Variants in PAMR1 observed in about 807,000 individuals in gnomAD.
PAMR1 encodes inactive serine protease PAMR1.
In PAMR1, 88 loss-of-function variants were observed where a neutral mutation model predicts 81.8. The observed-to-expected ratio is 1.08, with a 90% CI of 0.91 to 1.28. The LOEUF (loss-of-function observed/expected upper bound fraction) is 1.28. Ranked by LOEUF, PAMR1 falls within the 50% of genes most tolerant of loss-of-function variation. The pLI is 0.00. For missense variants in PAMR1, 935 were observed against 919.7 expected (o/e 1.02, Z -0.21); for synonymous variants, 336 against 345.3 (o/e 0.97, Z 0.30).
chr11:35,478,907 C>T (rs1341168962), intron 3 of PAMR1, among the ~76,000 whole-genome samples: 1 of 152,060 alleles, frequency 6.6e-6, no homozygotes, highest in Non-Finnish European at 1.5e-5. Flanking sequence ...GTGCCCTGAG[C>T]TCTCAAATCC....
In PAMR1 at chr11:35,458,590, G is replaced by C. The variant is rs565701095; in HGVS notation, c.820+9411C>G. ...TCTGAGAGTTCCAGCAAAGGAAACAGATCCAGAGTCAGCAAAATTGATGAC... is the reference window on the plus strand; with the variant it reads ...TCTGAGAGTTCCAGCAAAGGAAACACATCCAGAGTCAGCAAAATTGATGAC... On this transcript the variant is annotated intron_variant, in intron 6 of 10. Coordinates refer to ENST00000619888, the MANE Select transcript of PAMR1 (RefSeq NM_001001991.3). Among the ~76,000 whole-genome samples, 5 of 152,296 alleles carry C rather than the reference G, an allele frequency of 3.3e-5. No homozygotes were observed. In the South Asian group the frequency reaches 1.0e-3, roughly 32 times the overall value.
At chr11:35,482,358 T>A (rs1433238795) in intron 3 of PAMR1, among the ~76,000 whole-genome samples, 1 of 151,938 alleles carries the variant, frequency 6.6e-6, no homozygotes, top group Non-Finnish European at 1.5e-5. Context: ...ATGTGTGGTG[T>A]TTTTTCTGAG....
At chr11:35,518,344 C>T (rs1277310801) in intron 1 of PAMR1, among the ~76,000 whole-genome samples, 1 of 151,816 alleles carries the variant, frequency 6.6e-6, no homozygotes, top group Non-Finnish European at 1.5e-5. Flanking sequence ...CCATCATTCT[C>T]GTTAACTTCT....
chr11:35,505,129 C>T (rs536056464), intron 1 of PAMR1, among the ~76,000 whole-genome samples: 29 of 152,158 alleles, frequency 1.9e-4, no homozygotes, highest in African/African-American at 6.7e-4. Flanking sequence ...TTCATAGGCA[C>T]ATTGTTTAAT....
At position 35,470,723 on chromosome 11, in the gene PAMR1, C is replaced by T. The variant is rs766255457; in HGVS notation, c.590G>A (p.Arg197His). 42 of 1,614,142 alleles carry T rather than the reference C, an allele frequency of 2.6e-5. No individual in the cohort carries two copies. Among genetic ancestry groups the T allele is most frequent in the Non-Finnish European group, 3.3e-5 (39 of 1,179,986 alleles). ...AGCTGGCCGCTCGTTGCCACAGACA[C>T]GCTTGATGATCTGGCCATCGCGGTT... ...GDNRDGQIIK[R>H]VCGNERPAPI... Residue 197 changes from arginine (R) to histidine (H), a missense_variant, in exon 5 of 11, where the codon CGT becomes CAT. Arg to His is a conservative substitution (Grantham distance 29). Coordinates refer to ENST00000619888, the MANE Select transcript of PAMR1 (RefSeq NM_001001991.3).
At position 35,436,433 on chromosome 11, in the gene PAMR1, C is replaced by G. The variant is rs1178682301; in HGVS notation, c.1101-298G>C. On this transcript the variant is annotated intron_variant, in intron 8 of 10. Transcript: ENST00000619888. ...CTGAATAGCTGGGATTACAGACATGCAACACCACGCCCAGCTAATTTTTGT... is the reference window on the plus strand; with the variant it reads ...CTGAATAGCTGGGATTACAGACATGGAACACCACGCCCAGCTAATTTTTGT... Among the ~76,000 whole-genome samples, 4 of 152,176 alleles carry G rather than the reference C, an allele frequency of 2.6e-5. No individual in the cohort carries two copies. The East Asian group carries it at 7.7e-4, about 29-fold the overall frequency.
chr11:35,494,329 T>C, intron 1 of PAMR1, 57 bp from the exon 2 acceptor site: 2 of 1,250,938 alleles, frequency 1.6e-6, no homozygotes, highest in Non-Finnish European at 2.3e-6. Context: ...GTAAGACTCT[T>C]TGTTTGTTTG....
intron 1 of PAMR1, among the ~76,000 whole-genome samples, chr11:35,516,726 G>C (rs16927593): frequency 0.015 from 2,293 of 152,306 alleles, 27 homozygotes; most frequent in Non-Finnish European, 0.023. Flanking sequence ...CCACTTTCAG[G>C]TTGTGCAAAT....
chr11:35,447,058 C>T (rs193143873), intron 6 of PAMR1, among the ~76,000 whole-genome samples: 1 of 152,126 alleles, frequency 6.6e-6, no homozygotes, highest in South Asian at 2.1e-4. Context: ...GCTCTTCTTG[C>T]TTAATTGAAC....
At chr11:35,465,062 G>T (rs1005976669) in intron 6 of PAMR1, among the ~76,000 whole-genome samples, 1 of 152,200 alleles carries the variant, frequency 6.6e-6, no homozygotes, top group South Asian at 2.1e-4. Context: ...CAAGTGTCGT[G>T]TCTGAGAGAT....
At chr11:35,471,853 G>T (rs1850194052) in intron 4 of PAMR1, among the ~76,000 whole-genome samples, 1 of 152,132 alleles carries the variant, frequency 6.6e-6, no homozygotes, top group Non-Finnish European at 1.5e-5. Flanking sequence ...ATGTATGTCT[G>T]TACCTTCTCC....
chr11:35,468,922 A>G (rs1317297394), intron 5 of PAMR1, among the ~76,000 whole-genome samples: 1 of 152,130 alleles, frequency 6.6e-6, no homozygotes, highest in Non-Finnish European at 1.5e-5. Context: ...ACCTGTCTTG[A>G]GTACTTGCTC....
intron 1 of PAMR1, among the ~76,000 whole-genome samples, chr11:35,503,776 T>A (rs1212896173): frequency 6.6e-6 from 1 of 152,140 alleles, no homozygotes; most frequent in Non-Finnish European, 1.5e-5. Flanking sequence ...GTAGAGTCTT[T>A]AGATTTTTTT....
chr11:35,497,026 G>T (rs1048235795), intron 1 of PAMR1, among the ~76,000 whole-genome samples: 14 of 152,042 alleles, frequency 9.2e-5, no homozygotes, highest in African/African-American at 3.4e-4. Context: ...AATTAGGCGG[G>T]AGCAGTGGTG....
Position 35,431,939 on chromosome 11 carries a change from A to C in PAMR1, c.*417T>G, listed in dbSNP as rs1855913099. 1 of 201,676 alleles carries C rather than the reference A, an allele frequency of 5.0e-6. No individual in the cohort carries two copies. Among genetic ancestry groups the C allele is most frequent in the South Asian group, 1.1e-4 (1 of 9,452 alleles). The allele number at this position is 201,676 out of a possible 1,614,324, so 12.5% of individuals were successfully genotyped here. Reference sequence around the variant, plus strand: ...TACACAAAGGCATGCACCACATCCCAGCTCTGCTGCCCTGGGCTGTCCCAC... The same window carrying C: ...TACACAAAGGCATGCACCACATCCCCGCTCTGCTGCCCTGGGCTGTCCCAC... On this transcript the variant is annotated 3_prime_UTR_variant, in exon 11 of 11. Coordinates refer to ENST00000619888, the MANE Select transcript of PAMR1 (RefSeq NM_001001991.3).
chr11:35,455,933 C>T (rs1227196085), intron 6 of PAMR1, among the ~76,000 whole-genome samples: 1 of 151,580 alleles, frequency 6.6e-6, no homozygotes, highest in Non-Finnish European at 1.5e-5. Context: ...TGGGGCTTTC[C>T]TTCCACTTAC....
chr11:35,508,996 C>T (rs993237391), intron 1 of PAMR1, among the ~76,000 whole-genome samples: 1 of 152,058 alleles, frequency 6.6e-6, no homozygotes, highest in South Asian at 2.1e-4. Context: ...ATGAATAGTG[C>T]CCTCTATTAA....
At chr11:35,438,377 A>G (rs572493889) in intron 8 of PAMR1, among the ~76,000 whole-genome samples, 1 of 152,396 alleles carries the variant, frequency 6.6e-6, no homozygotes, top group Non-Finnish European at 1.5e-5. Flanking sequence ...CAGAGCAAAC[A>G]TGCAATAAAT....
rs1856166372 is a variant in PAMR1, at chr11:35,441,560, G to A, written c.954C>T (p.Ser318=). The A allele has an allele frequency of 6.2e-7, 1 of 1,613,998 alleles. No homozygotes were observed. The highest frequency in any genetic ancestry group is 8.5e-7 in the Non-Finnish European group (1 of 1,179,932). Reference sequence around the variant, plus strand: ...TTTTCTCATTGCCACTAAGAACATAGGAGTTGTTACAAAAGAAAGACACCA... The same window carrying A: ...TTTTCTCATTGCCACTAAGAACATAAGAGTTGTTACAAAAGAAAGACACCA... ...GTVVSFFCNN[S]YVLSGNEKRT... Residue 318 remains serine (S), a synonymous_variant, in exon 7 of 11, where the codon TCC becomes TCT. Transcript: ENST00000619888.
Sources: allele counts gnomAD v4.1 joint callset (sites outside exome capture counted in the v4.1 genomes callset), GRCh38; gene constraint gnomAD v4.1.1; transcripts MANE v1.5; gene names NCBI Gene and HGNC (gene_info 2026-07-23, HGNC 2026-07-21).